Variants in TTC32 observed in about 807,000 individuals in gnomAD.
TTC32 encodes the protein tetratricopeptide repeat domain 32.
In TTC32, 16 loss-of-function variants were observed where a neutral mutation model predicts 15.3. The ratio of observed to expected loss-of-function variants is 1.05; its 90% CI spans 0.71 to 1.59. The LOEUF (loss-of-function observed/expected upper bound fraction) is 1.59, where lower values mean the gene tolerates loss of function less well. TTC32 is among the 40% of genes most tolerant of loss of function. The pLI, the probability that TTC32 is intolerant of heterozygous loss-of-function variation, is 0.00. For missense variants in TTC32, 188 were observed against 181.9 expected (o/e 1.03, Z -0.19); for synonymous variants, 89 against 67.8 (o/e 1.31, Z -1.53).
intron 1 of TTC32, among the ~76,000 whole-genome samples, chr2:19,900,434 G>A (rs1669582685): frequency 6.6e-6 from 1 of 152,158 alleles, no homozygotes; most frequent in South Asian, 2.1e-4. Flanking sequence ...AACAGGGTAA[G>A]AATCAAGTCC....
chr2:19,896,951 G>A lies in TTC32; in HGVS notation c.*36C>T. On this transcript the variant is annotated 3_prime_UTR_variant, in exon 3 of 3. Transcript: ENST00000333610. ...TACTGATAACTAGATGCAGATGTAA[G>A]GATCATGAATCAATACTTCCATTAA... is the stretch of plus-strand genomic sequence containing the variant. The A allele has an allele frequency of 6.6e-7, 1 of 1,514,140 alleles. No homozygotes were observed. Among genetic ancestry groups the A allele is most frequent in the East Asian group, 2.3e-5 (1 of 42,820 alleles). 93.8% of individuals were successfully genotyped at this position (1,514,140 alleles called of 1,614,324 possible).
At chr2:19,899,263 G>T (rs1669561217) in intron 1 of TTC32, among the ~76,000 whole-genome samples, 1 of 152,148 alleles carries the variant, frequency 6.6e-6, no homozygotes. Context: ...TTAAAACCTA[G>T]ATTACAAGAC....
Position 19,897,852 on chromosome 2 carries a change from A to G in TTC32, c.316+17T>C. On this transcript the variant is annotated intron_variant, in intron 2 of 2. Transcript: ENST00000333610. Reference sequence around the variant, plus strand: ...ATACAGTCAATGACAAAACTCAAAAAGAAAAAAAATTCTTACCCAGCCTAT... The same window carrying G: ...ATACAGTCAATGACAAAACTCAAAAGGAAAAAAAATTCTTACCCAGCCTAT... The G allele has an allele frequency of 6.8e-7, 1 of 1,476,900 alleles. No homozygotes were observed. The highest frequency in any genetic ancestry group is 2.4e-5 in the East Asian group (1 of 41,968). 91.5% of individuals were successfully genotyped at this position (1,476,900 alleles called of 1,614,324 possible). A position where few individuals can be genotyped will look rare whatever the true frequency, so the allele number is the denominator to read the frequency against.
chr2:19,900,480 T>G (rs947580615), intron 1 of TTC32, among the ~76,000 whole-genome samples: 2 of 152,212 alleles, frequency 1.3e-5, no homozygotes, highest in Non-Finnish European at 2.9e-5. Flanking sequence ...AAAGACAAGC[T>G]GGCATCCTGT....
Position 19,901,888 on chromosome 2 carries a change from G to C in TTC32, c.-34C>G, listed in dbSNP as rs1473937340. ...AGGCCTAGTTTTCGGTGTAGAATGG[G>C]GGTTGACCTCCGAGCGGTTAGAGGT... On this transcript the variant is annotated 5_prime_UTR_variant, in exon 1 of 3. Transcript: ENST00000333610. The C allele has an allele frequency of 6.2e-7, 1 of 1,612,824 alleles. No homozygotes were observed. Among genetic ancestry groups the C allele is most frequent in the Admixed American group, 1.7e-5 (1 of 59,914 alleles).
At chr2:19,901,261 G>A (rs1669598196) in intron 1 of TTC32, 1 of 324,270 alleles carries the variant, frequency 3.1e-6, no homozygotes, top group Non-Finnish European at 6.1e-6. Context: ...ACACTGAGAT[G>A]GGAGTCGCGG....
intron 1 of TTC32, among the ~76,000 whole-genome samples, chr2:19,899,436 T>C (rs1185673521): frequency 1.3e-5 from 2 of 151,782 alleles, no homozygotes; most frequent in African/African-American, 4.8e-5. Flanking sequence ...TATATATTCG[T>C]AATATAGAGA....
intron 2 of TTC32, 105 bp from the exon 3 acceptor site, chr2:19,897,231 A>G: frequency 3.4e-6 from 4 of 1,165,576 alleles, no homozygotes; most frequent in South Asian, 1.7e-5. Flanking sequence ...TATATTTATG[A>G]GCTTTCAGTC....
At chr2:19,899,418 A>T (rs115834835) in intron 1 of TTC32, among the ~76,000 whole-genome samples, 4,538 of 152,224 alleles carry the variant, frequency 0.03, 210 homozygotes, top group African/African-American at 0.1. Context: ...TAAGTTTTTA[A>T]TACTAATTAT....
chr2:19,897,887 A>G lies in TTC32; in HGVS notation c.298T>C (p.Leu100=). ...TTCTTACCCAGCCTATACAGTATCA[A>G]CCCTCTGTTGTAATATGGAACTTCA... is the stretch of plus-strand genomic sequence containing the variant. ...NFEVPYYNRG[L]ILYRLGYFDD... The change falls in exon 2 of 3, where the codon TTG becomes CTG. Residue 100 remains leucine (L), a synonymous_variant. Coordinates refer to ENST00000333610, the MANE Select transcript of TTC32 (RefSeq NM_001008237.3). 6.2e-7 allele frequency: 1 copy of G among 1,608,924 alleles called. No individual in the cohort carries two copies. Among genetic ancestry groups the G allele is most frequent in the Non-Finnish European group, 8.5e-7 (1 of 1,176,514 alleles).
chr2:19,900,285 C>T (rs1179510572), intron 1 of TTC32, among the ~76,000 whole-genome samples: 2 of 152,250 alleles, frequency 1.3e-5, no homozygotes, highest in Non-Finnish European at 1.5e-5. Context: ...GTTTACTTAT[C>T]TTTTTTATGG....
intron 2 of TTC32, 139 bp from the exon 3 acceptor site, chr2:19,897,265 A>G: frequency 1.2e-6 from 1 of 822,676 alleles, no homozygotes; most frequent in Non-Finnish European, 1.8e-6. Flanking sequence ...GAATCTTTTT[A>G]TCTTAATAAT....
At chr2:19,898,237 A>C (rs1173796092) in intron 1 of TTC32, 1 of 452,868 alleles carries the variant, frequency 2.2e-6, no homozygotes, top group African/African-American at 2.0e-5. Context: ...TTGTAGGGTT[A>C]TACCACTGCA....
At chr2:19,897,652 GCCCAGGTCCAATTCCCA>G (rs893865914) in intron 2 of TTC32, among the ~76,000 whole-genome samples, 200 bp downstream of exon 2, 3 of 152,134 alleles carry the variant, frequency 2.0e-5, no homozygotes, top group African/African-American at 7.2e-5. Context: ...CTGCTCCTGC[GCCCAGGTCCAATTCCCA>G]CCCCAGTGCT....
intron 1 of TTC32, among the ~76,000 whole-genome samples, chr2:19,900,757 C>A (rs1669586533): frequency 6.6e-6 from 1 of 152,200 alleles, no homozygotes; most frequent in Non-Finnish European, 1.5e-5. Flanking sequence ...TACACACACC[C>A]ACCTAAAAAG....
chr2:19,901,518 T>C lies in TTC32; in HGVS notation c.149+188A>G, dbSNP rs1028507855. 11 of 711,110 alleles carry C rather than the reference T, an allele frequency of 1.5e-5. No homozygotes were observed. In the Admixed American group the frequency reaches 3.5e-4, roughly 23 times the overall value. The allele number at this position is 711,110 out of a possible 1,614,324, so 44.1% of individuals were successfully genotyped here. On this transcript the variant is annotated intron_variant, in intron 1 of 2. Transcript: ENST00000333610. ...CCTCACGGGTGGGCTTCTCCCCGCG[T>C]TCTCCGCCGCCCTCGTCCTAGGCCT... is the stretch of plus-strand genomic sequence containing the variant.
intron 2 of TTC32, 129 bp from the exon 3 acceptor site, chr2:19,897,255 G>T: frequency 1.1e-6 from 1 of 901,454 alleles, no homozygotes; most frequent in Non-Finnish European, 1.6e-6. Flanking sequence ...TCTAGTAAAG[G>T]AATCTTTTTA....
At chr2:19,900,018 T>C (rs1354016406) in intron 1 of TTC32, among the ~76,000 whole-genome samples, 3 of 152,244 alleles carry the variant, frequency 2.0e-5, no homozygotes, top group Non-Finnish European at 2.9e-5. Flanking sequence ...ACATTAGCCA[T>C]GTGGCAGTGC....
chr2:19,901,486 G>C, intron 1 of TTC32: 1 of 579,662 alleles, frequency 1.7e-6, no homozygotes, highest in Non-Finnish European at 2.9e-6. Flanking sequence ...CGTCGCGGCA[G>C]CTGGCTCCTC....
Sources: allele counts gnomAD v4.1 joint callset (sites outside exome capture counted in the v4.1 genomes callset), GRCh38; gene constraint gnomAD v4.1.1; transcripts MANE v1.5; gene names NCBI Gene and HGNC (gene_info 2026-07-23, HGNC 2026-07-21).